FAM98B: variants seen among roughly 807,000 people sequenced by gnomAD.
FAM98B encodes tRNA-splicing ligase complex subunit FAM98B.
Under a neutral mutation model 43.9 loss-of-function variants are expected in FAM98B, and 32 were observed. That is an observed-to-expected ratio of 0.73 (90% CI 0.55 to 0.98). FAM98B has a LOEUF of 0.98. Among genes scored for constraint, FAM98B ranks in the 50% least tolerant of loss-of-function variants. The pLI, the probability that FAM98B is intolerant of heterozygous loss-of-function variation, is 0.00. For synonymous variants in FAM98B, 190 were observed against 174.0 expected (o/e 1.09, Z -0.72); for missense variants, 514 against 522.9 (o/e 0.98, Z 0.17).
intron 4 of FAM98B, among the ~76,000 whole-genome samples, chr15:38,472,933 A>G (rs1890147846): frequency 6.6e-6 from 1 of 152,188 alleles, no homozygotes; most frequent in South Asian, 2.1e-4. Context: ...GGAAAAGTAA[A>G]TGCCTAATAT....
intron 1 of FAM98B, among the ~76,000 whole-genome samples, chr15:38,463,320 CT>C (rs1260708867): frequency 1.3e-5 from 2 of 151,706 alleles, no homozygotes; most frequent in Non-Finnish European, 2.9e-5. Flanking sequence ...GCTAAACCCC[CT>C]TTCTACTAAA....
At position 38,454,246 on chromosome 15, in the gene FAM98B, G is replaced by C. The variant is rs1340036634; in HGVS notation, c.71+14G>C. On this transcript the variant is annotated intron_variant, in intron 1 of 7. Transcript: ENST00000397609. ...GGAGGCGCTGGGGTGAGTGCTTTTG[G>C]AGACGCCTTTTCCCTGAAAACGCAA... 3.1e-6 allele frequency: 5 copies of C among 1,595,388 alleles called. No individual in the cohort carries two copies. The highest frequency in any genetic ancestry group is 1.8e-5 in the Admixed American group (1 of 55,846).
At chr15:38,459,505 C>CAT in intron 1 of FAM98B, 1 of 326,848 alleles carries the variant, frequency 3.1e-6, no homozygotes, top group Non-Finnish European at 6.1e-6. Flanking sequence ...AGGGCATCTT[C>CAT]CCCTGTGCCT....
chr15:38,454,313 T>G (rs1889813514), intron 1 of FAM98B, 81 bp downstream of exon 1: 1 of 1,452,540 alleles, frequency 6.9e-7, no homozygotes, highest in Admixed American at 2.0e-5. Context: ...CCCTTGGGCC[T>G]CTGTGGGCCT....
At chr15:38,460,320 T>A (rs1889927941) in intron 1 of FAM98B, among the ~76,000 whole-genome samples, 1 of 152,148 alleles carries the variant, frequency 6.6e-6, no homozygotes, top group Non-Finnish European at 1.5e-5. Context: ...ACTAAACAGT[T>A]GCTAAATGTA....
At chr15:38,471,078 T>C (rs1262561743) in intron 4 of FAM98B, among the ~76,000 whole-genome samples, 2 of 152,028 alleles carry the variant, frequency 1.3e-5, no homozygotes, top group Non-Finnish European at 2.9e-5. Context: ...TGCAGTCCTC[T>C]AGGGGAAGAA....
At chr15:38,461,954 G>C (rs1450095434) in intron 1 of FAM98B, among the ~76,000 whole-genome samples, 1 of 152,018 alleles carries the variant, frequency 6.6e-6, no homozygotes, top group Non-Finnish European at 1.5e-5. Context: ...ATCTATCCTA[G>C]ATAAAAACTG....
chr15:38,477,815 A>G (rs924074327), intron 6 of FAM98B, among the ~76,000 whole-genome samples: 53 of 152,170 alleles, frequency 3.5e-4, no homozygotes, highest in African/African-American at 1.2e-3. Context: ...ATTTCATTGG[A>G]GTAACTGCTT....
chr15:38,481,740 T>C (rs1014344589), intron 7 of FAM98B: 10 of 899,068 alleles, frequency 1.1e-5, no homozygotes, highest in Non-Finnish European at 1.5e-5. Flanking sequence ...TAAAAAGTAA[T>C]CATTTTTTGT....
Position 38,484,522 on chromosome 15 carries a change from G to C in FAM98B, c.1165G>C (p.Gly389Arg). ...GGGGGRGGFQ[G>R]RGDYGGRGGY... Reference sequence around the variant, plus strand: ...AGGAGGTGGTAGAGGAGGTTTCCAAGGCAGGGGAGATTATGGTGGAAGAGG... The same window carrying C: ...AGGAGGTGGTAGAGGAGGTTTCCAACGCAGGGGAGATTATGGTGGAAGAGG... The change falls in exon 8 of 8, where the codon GGC becomes CGC. Residue 389 changes from glycine to arginine, a missense_variant. Around this residue, in one of 2 missense-constraint regions of FAM98B, gnomAD observed 45 missense variants for 71.1 expected, o/e 0.63. Coordinates refer to ENST00000397609, the MANE Select transcript of FAM98B (RefSeq NM_173611.4). The C allele has an allele frequency of 6.9e-7, 1 of 1,450,556 alleles. No homozygotes were observed. Among genetic ancestry groups the C allele is most frequent in the Non-Finnish European group, 9.0e-7 (1 of 1,107,894 alleles). The allele number at this position is 1,450,556 out of a possible 1,614,324, so 89.9% of individuals were successfully genotyped here.
At chr15:38,455,703 A>G (rs1889838551) in intron 1 of FAM98B, among the ~76,000 whole-genome samples, 3 of 152,240 alleles carry the variant, frequency 2.0e-5, no homozygotes, top group Admixed American at 6.5e-5. Context: ...TACTTCAGGT[A>G]AGAATATTGG....
chr15:38,458,795 C>T, intron 1 of FAM98B: 1 of 450,042 alleles, frequency 2.2e-6, no homozygotes, highest in East Asian at 5.9e-5. Flanking sequence ...ATGTCCTCTG[C>T]TCTGCTTCTC....
Position 38,486,531 on chromosome 15 carries a change from T to G in FAM98B, c.*1872T>G, listed in dbSNP as rs971804225. The G allele has an allele frequency of 6.6e-6, 1 of 152,196 alleles. No individual in the cohort carries two copies. The highest frequency in any genetic ancestry group is 1.5e-5 in the Non-Finnish European group (1 of 67,992). The allele number at this position is 152,196 out of a possible 1,614,324, so 9.4% of individuals were successfully genotyped here. A position where few individuals can be genotyped will look rare whatever the true frequency, so the allele number is the denominator to read the frequency against. On this transcript the variant is annotated 3_prime_UTR_variant, in exon 8 of 8. Coordinates refer to ENST00000397609, the MANE Select transcript of FAM98B (RefSeq NM_173611.4). ...GGTAAATATGGCAGAAACAATAGTT[T>G]ATCAGTTTCATTAGATTTTCCATAA...
intron 3 of FAM98B, among the ~76,000 whole-genome samples, chr15:38,467,970 T>TAC (rs1890064227): frequency 6.6e-6 from 1 of 152,140 alleles, no homozygotes; most frequent in African/African-American, 2.4e-5. Context: ...CTTGAATACA[T>TAC]ACACACACAC....
chr15:38,456,518 A>C (rs1043775417), intron 1 of FAM98B, among the ~76,000 whole-genome samples: 1 of 152,208 alleles, frequency 6.6e-6, no homozygotes, highest in Admixed American at 6.5e-5. Flanking sequence ...TGGTGAGCAA[A>C]ATAGACTTGG....
intron 3 of FAM98B, among the ~76,000 whole-genome samples, chr15:38,466,313 A>G (rs1890031439): frequency 1.3e-5 from 2 of 151,916 alleles, no homozygotes; most frequent in Admixed American, 6.6e-5. Context: ...CCAATACACC[A>G]TTCTCCATCT....
chr15:38,460,431 A>G (rs1223280565), intron 1 of FAM98B, among the ~76,000 whole-genome samples: 3 of 152,102 alleles, frequency 2.0e-5, no homozygotes. Context: ...AAATGAAAGT[A>G]AAAAAATAAG....
chr15:38,484,183 A>G (rs1353224143), intron 7 of FAM98B, 72 bp from the exon 8 acceptor site: 9 of 1,397,264 alleles, frequency 6.4e-6, no homozygotes, highest in Non-Finnish European at 8.8e-6. Flanking sequence ...TATTAGAAAC[A>G]ACATCACTTG....
intron 6 of FAM98B, among the ~76,000 whole-genome samples, chr15:38,474,999 T>G (rs1450317291): frequency 3.3e-5 from 5 of 152,138 alleles, no homozygotes; most frequent in African/African-American, 1.2e-4. Flanking sequence ...TTTTAGTTGT[T>G]TCAGGTGGGA....
Sources: gnomAD v4.1 joint callset for allele counts (sites outside exome capture counted in the v4.1 genomes callset) on GRCh38, gnomAD v4.1.1 for gene constraint, gnomAD v4.1.1 regional missense constraint, MANE v1.5 for transcripts, NCBI Gene and HGNC (gene_info 2026-07-23, HGNC 2026-07-21) for gene names.